FAM135B: variants seen among roughly 807,000 people sequenced by gnomAD.
FAM135B encodes the protein family with sequence similarity 135 member B, also known as protein FAM135B.
In FAM135B, 43 loss-of-function variants were observed where a neutral mutation model predicts 127.7. The ratio of observed to expected loss-of-function variants is 0.34; its 90% CI spans 0.26 to 0.43. The LOEUF (loss-of-function observed/expected upper bound fraction) is 0.43, where lower values mean the gene tolerates loss of function less well. Ranked by LOEUF, FAM135B falls within the 20% of genes least tolerant of loss-of-function variation. FAM135B has a pLI of 1.00. For missense variants in FAM135B, 1,558 were observed against 1,725.6 expected (o/e 0.90, Z 1.72); for synonymous variants, 670 against 665.1 (o/e 1.01, Z -0.11).
intron 12 of FAM135B, among the ~76,000 whole-genome samples, chr8:138,163,873 G>C (rs1320353122): frequency 6.6e-6 from 1 of 152,118 alleles, no homozygotes; most frequent in Non-Finnish European, 1.5e-5. Flanking sequence ...CCAGGCTGGA[G>C]TTCAGTGACA....
rs925085577 is a variant in FAM135B at position 138,213,715 on chromosome 8, G to A, written c.670-16046C>T. Among the ~76,000 whole-genome samples, 12 of 152,152 alleles carry A rather than the reference G, an allele frequency of 7.9e-5. No homozygotes were observed. The East Asian group carries it at 2.3e-3, about 29-fold the overall frequency. On this transcript the variant is annotated intron_variant, in intron 7 of 19. Transcript: ENST00000395297. Reference sequence around the variant, plus strand: ...AATGATGCAAGAGGTAAAAATAAATGAAAATGGACTGGGGGGTTGTACAAA... The same window carrying A: ...AATGATGCAAGAGGTAAAAATAAATAAAAATGGACTGGGGGGTTGTACAAA...
chr8:138,346,968 G>A (rs376233603), intron 2 of FAM135B, among the ~76,000 whole-genome samples: 23 of 152,272 alleles, frequency 1.5e-4, no homozygotes, highest in South Asian at 8.3e-4. Flanking sequence ...TTAGAAGCCC[G>A]AGAAAAAGAT....
At chr8:138,343,550 C>T (rs1027810899) in intron 2 of FAM135B, among the ~76,000 whole-genome samples, 3 of 152,192 alleles carry the variant, frequency 2.0e-5, no homozygotes, top group Non-Finnish European at 2.9e-5. Flanking sequence ...ACAGCCAACA[C>T]GGTAAAATGA....
At chr8:138,348,195 C>T (rs1587181824) in intron 2 of FAM135B, among the ~76,000 whole-genome samples, 1 of 120,600 alleles carries the variant, frequency 8.3e-6, no homozygotes, top group East Asian at 2.7e-4. Flanking sequence ...AGTGCAATGG[C>T]TCCATCTCGG....
chr8:138,299,586 T>TACACAC lies in FAM135B; in HGVS notation c.157+11249_157+11254dup, dbSNP rs200452928. On this transcript the variant is annotated intron_variant, in intron 3 of 19. Coordinates refer to ENST00000395297, the MANE Select transcript of FAM135B (RefSeq NM_015912.4). ...GCATGTATACATACACATACACACA[T>TACACAC]ACACACACACACACACACACACCCA... Among the ~76,000 whole-genome samples, 16 of 142,880 alleles carry TACACAC rather than the reference T, an allele frequency of 1.1e-4. No individual in the cohort carries two copies. The East Asian group carries it at 2.3e-3, about 21-fold the overall frequency. 93.7% of individuals were successfully genotyped at this position (142,880 alleles called of 152,430 possible).
chr8:138,236,320 C>T (rs1045850737), intron 7 of FAM135B, among the ~76,000 whole-genome samples: 4 of 151,932 alleles, frequency 2.6e-5, no homozygotes, highest in South Asian at 2.1e-4. Flanking sequence ...CGTTCATTGG[C>T]GCATTATTCA....
At chr8:138,431,075 G>A (rs770890188) in intron 1 of FAM135B, among the ~76,000 whole-genome samples, 5 of 152,110 alleles carry the variant, frequency 3.3e-5, no homozygotes, top group Non-Finnish European at 4.4e-5. Flanking sequence ...TTTACATAGA[G>A]ACAACAGGTA....
At chr8:138,340,412 T>A (rs1828961580) in intron 2 of FAM135B, among the ~76,000 whole-genome samples, 1 of 152,164 alleles carries the variant, frequency 6.6e-6, no homozygotes, top group South Asian at 2.1e-4. Flanking sequence ...TTCACATGGA[T>A]ATGATTAGTA....
rs567205373 is a variant in FAM135B at position 138,147,806 on chromosome 8, C to T, written c.3448+714G>A. Among the ~76,000 whole-genome samples, 8 of 152,186 alleles carry T rather than the reference C, an allele frequency of 5.3e-5. No homozygotes were observed. The South Asian group carries it at 8.3e-4, about 16-fold the overall frequency. ...AAAAAAAATTGCCTATAACCTGATC[C>T]GATTTCTTATTTTAACAAAGTTATT... On this transcript the variant is annotated intron_variant, in intron 14 of 19. Transcript: ENST00000395297.
intron 2 of FAM135B, among the ~76,000 whole-genome samples, chr8:138,322,226 T>A (rs1190135881): frequency 6.6e-6 from 1 of 152,218 alleles, no homozygotes; most frequent in East Asian, 1.9e-4. Flanking sequence ...ATAAAGCATG[T>A]ACACATTTCT....
In FAM135B at chr8:138,362,281, A is replaced by T. The variant is rs4909777; in HGVS notation, c.77+5626T>A. ...CCCTCTCACCATCCCCCACCCCCAT[A>T]TCTTTTTTTTTTTTTTTTTTTTTAC... is the stretch of plus-strand genomic sequence containing the variant. On this transcript the variant is annotated intron_variant, in intron 2 of 19. Coordinates refer to ENST00000395297, the MANE Select transcript of FAM135B (RefSeq NM_015912.4). 1.3e-3 allele frequency among the ~76,000 whole-genome samples: 48 copies of T among 37,992 alleles called. 8 individuals are homozygous for T. The highest frequency in any genetic ancestry group is 9.4e-4 in the Non-Finnish European group (19 of 20,144). The allele number at this position is 37,992 out of a possible 152,430, so 24.9% of individuals were successfully genotyped here.
At chr8:138,198,235 T>C (rs948152752) in intron 7 of FAM135B, among the ~76,000 whole-genome samples, 2 of 152,238 alleles carry the variant, frequency 1.3e-5, no homozygotes, top group Non-Finnish European at 2.9e-5. Context: ...CCTGCCACCA[T>C]GTAAGACATG....
At chr8:138,155,758 T>C (rs138202698) in intron 12 of FAM135B, among the ~76,000 whole-genome samples, 3 of 152,114 alleles carry the variant, frequency 2.0e-5, no homozygotes, top group African/African-American at 2.4e-5. Context: ...GTCCTAAATA[T>C]ATATGCACCC....
intron 3 of FAM135B, among the ~76,000 whole-genome samples, chr8:138,267,227 A>G (rs1185885603): frequency 6.6e-6 from 1 of 152,152 alleles, no homozygotes; most frequent in African/African-American, 2.4e-5. Context: ...CCACCATGCA[A>G]GGATACAATG....
chr8:138,426,028 T>C (rs1445441303), intron 1 of FAM135B, among the ~76,000 whole-genome samples: 1,681 of 42,940 alleles, frequency 0.039, 103 homozygotes, highest in African/African-American at 0.085. Context: ...CACATACATA[T>C]ACACACACAC....
chr8:138,424,025 T>G (rs1047565409), intron 1 of FAM135B, among the ~76,000 whole-genome samples: 1 of 152,218 alleles, frequency 6.6e-6, no homozygotes, highest in African/African-American at 2.4e-5. Context: ...TTTTCTCTCT[T>G]GCCTGAACAT....
At chr8:138,395,708 T>C (rs190518627) in intron 1 of FAM135B, among the ~76,000 whole-genome samples, 1 of 152,326 alleles carries the variant, frequency 6.6e-6, no homozygotes, top group African/African-American at 2.4e-5. Context: ...CCAATCTCTG[T>C]ACTTTGGGGG....
At chr8:138,305,967 T>C (rs1436513614) in intron 3 of FAM135B, among the ~76,000 whole-genome samples, 1 of 152,218 alleles carries the variant, frequency 6.6e-6, no homozygotes, top group South Asian at 2.1e-4. Context: ...ATATGTTATG[T>C]CTTATGATTA....
chr8:138,196,925 T>C lies in FAM135B; in HGVS notation c.823+591A>G, dbSNP rs182835128. 1.4e-3 allele frequency among the ~76,000 whole-genome samples: 210 copies of C among 152,326 alleles called. 1 individual carries two copies. The highest frequency in any genetic ancestry group is 4.5e-3 in the Admixed American group (69 of 15,298). On this transcript the variant is annotated intron_variant, in intron 8 of 19. Transcript: ENST00000395297. ...CTCTGAGCTTCAGGTCCATCGTCTG[T>C]CAATCAACAGAGATTCAAGCCCACT... is the stretch of plus-strand genomic sequence containing the variant.
Sources: allele counts gnomAD v4.1 joint callset (sites outside exome capture counted in the v4.1 genomes callset), GRCh38; gene constraint gnomAD v4.1.1; transcripts MANE v1.5; gene names NCBI Gene and HGNC (gene_info 2026-07-23, HGNC 2026-07-21).